Variants in POU2F2 observed in about 807,000 individuals in gnomAD.
POU2F2 encodes POU domain, class 2, transcription factor 2.
In POU2F2, 14 loss-of-function variants were observed where a neutral mutation model predicts 63.5. The observed-to-expected ratio is 0.22, with a 90% confidence interval of 0.15 to 0.34. POU2F2 has a LOEUF of 0.34. POU2F2 is among the 10% of genes least tolerant of loss of function. The pLI is 1.00. For synonymous variants in POU2F2, 306 were observed against 348.6 expected (o/e 0.88, Z 1.36); for missense variants, 607 against 815.2 (o/e 0.74, Z 3.11).
chr19:42,104,576 G>T (rs552159491), intron 5 of POU2F2, among the ~76,000 whole-genome samples: 1 of 152,218 alleles, frequency 6.6e-6, no homozygotes, highest in East Asian at 1.9e-4. Context: ...GGAACAATCT[G>T]CAGGATGTCC....
upstream of POU2F2, among the ~76,000 whole-genome samples, chr19:42,180,411 C>G (rs1397825619): frequency 6.6e-6 from 1 of 152,206 alleles, no homozygotes; most frequent in Admixed American, 6.5e-5. Context: ...AACCCACACA[C>G]TATCCATTCT....
Position 42,110,471 on chromosome 19 carries a change from G to C in POU2F2, c.369+6779C>G, listed in dbSNP as rs377273430. 2.4e-3 allele frequency: 403 copies of C among 164,528 alleles called. 22 individuals are homozygous for C. In the South Asian group the frequency reaches 0.054, roughly 22 times the overall value. 10.2% of individuals were successfully genotyped at this position (164,528 alleles called of 1,614,324 possible). A position where few individuals can be genotyped will look rare whatever the true frequency, so the allele number is the denominator to read the frequency against. On this transcript the variant is annotated intron_variant, in intron 5 of 14. Coordinates refer to ENST00000692977, the MANE Select transcript of POU2F2 (RefSeq NM_001394376.1). ...ACCAACAAGGAAACGCCTAACCTAG[G>C]GGAAGGTTAGACTAGTGGGGTGCAA...
intron 5 of POU2F2, among the ~76,000 whole-genome samples, chr19:42,110,295 A>C (rs986469251): frequency 1.3e-5 from 2 of 152,130 alleles, no homozygotes; most frequent in African/African-American, 2.4e-5. Flanking sequence ...ATAACTACAT[A>C]AATAAAATAA....
chr19:42,105,101 G>A (rs886415483), intron 5 of POU2F2, among the ~76,000 whole-genome samples: 2 of 152,122 alleles, frequency 1.3e-5, no homozygotes, highest in Non-Finnish European at 2.9e-5. Flanking sequence ...ACTGTGAAGC[G>A]GGCAACACTT....
intron 2 of POU2F2, among the ~76,000 whole-genome samples, chr19:42,138,621 A>G (rs1054527475): frequency 6.6e-6 from 1 of 152,082 alleles, no homozygotes; most frequent in Non-Finnish European, 1.5e-5. Context: ...AGGATGACCA[A>G]TGGGGAGGCT....
chr19:42,114,548 G>A (rs1398579852), intron 5 of POU2F2, among the ~76,000 whole-genome samples: 1 of 152,170 alleles, frequency 6.6e-6, no homozygotes, highest in Non-Finnish European at 1.5e-5. Context: ...ATGCTACAAG[G>A]CAAATGGAAC....
rs1290743880 is a variant in POU2F2, at chr19:42,096,097, C to T, written c.714G>A (p.Lys238=). ...GCCTCCAGACCTGCGTGAAGCCCAG[C>T]TTGATGCGGCGTTGCTTGAAGGTGC... ...FARTFKQRRI[K]LGFTQGDVGL... Residue 238 remains lysine (K), a synonymous_variant, in exon 8 of 15, where the codon AAG becomes AAA. Transcript: ENST00000692977. This position sits in a 1 kb window ranked among gnomAD's most constrained non-coding sequence, Gnocchi z 4.1. 1 of 1,613,744 alleles carries T rather than the reference C, an allele frequency of 6.2e-7. No individual in the cohort carries two copies. Among genetic ancestry groups the T allele is most frequent in the African/African-American group, 1.3e-5 (1 of 75,044 alleles).
At chr19:42,148,281 C>A (rs772537803) in intron 2 of POU2F2, among the ~76,000 whole-genome samples, 1 of 152,214 alleles carries the variant, frequency 6.6e-6, no homozygotes, top group Admixed American at 6.5e-5. Context: ...ATTAGGAAGG[C>A]CTTGTACTAA....
chr19:42,162,028 G>A lies in POU2F2; in HGVS notation c.-69-1636C>T, dbSNP rs1193733411. ...CGCGCTGAGTGTTGAACACGGTGGC[G>A]ACACGGCATTAACCGTCAATATTGG... is the stretch of plus-strand genomic sequence containing the variant. On this transcript the variant is annotated intron_variant, in intron 1 of 6. Coordinates refer to the POU2F2 transcript ENST00000524801. The surrounding 1 kb of genome is among the most constrained non-coding windows in gnomAD (Gnocchi z 4.1). Among the ~76,000 whole-genome samples the A allele has an allele frequency of 2.0e-5, 3 of 149,752 alleles. No homozygotes were observed. The highest frequency in any genetic ancestry group is 2.0e-4 in the East Asian group (1 of 4,994).
intron 2 of POU2F2, among the ~76,000 whole-genome samples, chr19:42,146,053 GA>G (rs1284392978): frequency 9.0e-5 from 12 of 133,050 alleles, no homozygotes; most frequent in African/African-American, 2.5e-4. Context: ...AAAAAAAAAA[GA>G]AAAAAAAGAG....
At position 42,138,340 on chromosome 19, in the gene POU2F2, G is replaced by C. The variant is rs181849338; in HGVS notation, c.-8-15764C>G. Among the ~76,000 whole-genome samples the C allele has an allele frequency of 1.6e-4, 25 of 152,288 alleles. No individual in the cohort carries two copies. In the East Asian group the frequency reaches 4.6e-3, roughly 28 times the overall value. ...ACAGAAGATTGGGGCAGGTGGAAGA[G>C]CTTAAGCTCAGGTAAGAAAGATCAG... is the stretch of plus-strand genomic sequence containing the variant. On this transcript the variant is annotated intron_variant, in intron 2 of 6. Coordinates refer to the POU2F2 transcript ENST00000524801.
chr19:42,158,080 G>A (rs187796731), intron 2 of POU2F2, among the ~76,000 whole-genome samples: 202 of 152,310 alleles, frequency 1.3e-3, no homozygotes, highest in Admixed American at 3.7e-3. Flanking sequence ...TTGTTGTTTC[G>A]TAACAAAACT....
upstream of POU2F2, among the ~76,000 whole-genome samples, chr19:42,178,214 G>C (rs1292607533): frequency 2.6e-5 from 4 of 152,004 alleles, no homozygotes; most frequent in Admixed American, 2.6e-4. Context: ...GACACTCAGA[G>C]ACAAAGAGAT....
At chr19:42,166,561 C>G (rs1238235014) in intron 1 of POU2F2, among the ~76,000 whole-genome samples, 2 of 152,146 alleles carry the variant, frequency 1.3e-5, no homozygotes, top group African/African-American at 4.8e-5. Flanking sequence ...GGTCTCCCCT[C>G]CTTTGTGTCT....
In POU2F2 at chr19:42,095,211, C is replaced by A; in HGVS notation, c.1197+75G>T. ...TCTCTGTTCTAGGCTCTGTGGACAA[C>A]CAGGTAGGGTGGGCTTCACACAGGT... is the stretch of plus-strand genomic sequence containing the variant. On this transcript the variant is annotated intron_variant, in intron 11 of 14. Coordinates refer to ENST00000692977, the MANE Select transcript of POU2F2 (RefSeq NM_001394376.1). The surrounding 1 kb of genome is among the most constrained non-coding windows in gnomAD (Gnocchi z 7.1). 10 of 1,494,964 alleles carry A rather than the reference C, an allele frequency of 6.7e-6. No homozygotes were observed. The highest frequency in any genetic ancestry group is 8.1e-6 in the Non-Finnish European group (9 of 1,115,726). 92.6% of individuals were successfully genotyped at this position (1,494,964 alleles called of 1,614,324 possible).
intron 5 of POU2F2, among the ~76,000 whole-genome samples, chr19:42,106,031 CT>C (rs1232621594): frequency 7.1e-6 from 1 of 140,420 alleles, no homozygotes; most frequent in African/African-American, 2.7e-5. Flanking sequence ...TTCTTTCTTT[CT>C]TTCTTTCTTT....
intron 5 of POU2F2, among the ~76,000 whole-genome samples, chr19:42,105,556 G>A (rs1555896804): frequency 6.6e-6 from 1 of 152,110 alleles, no homozygotes; most frequent in Non-Finnish European, 1.5e-5. Flanking sequence ...AGCCTAGAGA[G>A]GTGTCTGTGG....
At chr19:42,113,933 T>A (rs2031495178) in intron 5 of POU2F2, among the ~76,000 whole-genome samples, 1 of 152,066 alleles carries the variant, frequency 6.6e-6, no homozygotes, top group Non-Finnish European at 1.5e-5. Context: ...ACAGTGCCCA[T>A]AGGAGGTGCT....
At position 42,154,218 on chromosome 19, in the gene POU2F2, C is replaced by G. The variant is rs548945048; in HGVS notation, c.-9+6114G>C. Among the ~76,000 whole-genome samples the G allele has an allele frequency of 6.0e-5, 9 of 151,230 alleles. No individual in the cohort carries two copies. In the South Asian group the frequency reaches 1.9e-3, roughly 32 times the overall value. Reference sequence around the variant, plus strand: ...AAAAGGGGGGGACAGGGAGGGGGAGCGAGAGAGACACAAACAGAGGCAGGG... The same window carrying G: ...AAAAGGGGGGGACAGGGAGGGGGAGGGAGAGAGACACAAACAGAGGCAGGG... On this transcript the variant is annotated intron_variant, in intron 2 of 6. Coordinates refer to the POU2F2 transcript ENST00000524801.
Sources: allele counts gnomAD v4.1 joint callset (sites outside exome capture counted in the v4.1 genomes callset), GRCh38; gene constraint gnomAD v4.1.1; non-coding constraint Gnocchi (gnomAD v3.1); transcripts MANE v1.5; gene names NCBI Gene and HGNC (gene_info 2026-07-23, HGNC 2026-07-21).